Variants in PLXDC2 observed in about 807,000 individuals in gnomAD.
PLXDC2 encodes plexin domain containing 2.
PLXDC2 carries 40 observed loss-of-function variants against 68.9 expected under a neutral mutation model. That is an observed-to-expected ratio of 0.58 (90% CI 0.45 to 0.76). The LOEUF is 0.76. Ranked by LOEUF, PLXDC2 falls within the 30% of genes least tolerant of loss-of-function variation. The pLI, the probability that PLXDC2 is intolerant of heterozygous loss-of-function variation, is 0.00. For synonymous variants in PLXDC2, 243 were observed against 234.2 expected, an observed-to-expected ratio of 1.04 and a Z score of -0.34; for missense variants, 644 against 661.9, an observed-to-expected ratio of 0.97 and a Z score of 0.30.
chr10:19,990,202 T>C (rs1313023775), intron 1 of PLXDC2, among the ~76,000 whole-genome samples: 2 of 152,182 alleles, frequency 1.3e-5, no homozygotes, highest in South Asian at 2.1e-4. Context: ...AAGACCATGA[T>C]TTCTGTCTTA....
chr10:19,975,858 G>T (rs1022061029), intron 1 of PLXDC2, among the ~76,000 whole-genome samples: 1 of 152,070 alleles, frequency 6.6e-6, no homozygotes, highest in African/African-American at 2.4e-5. Context: ...ACAAAAATTA[G>T]CTGGGCATGG....
intron 2 of PLXDC2, 111 bp downstream of exon 2, chr10:20,002,097 AT>A: frequency 9.1e-7 from 1 of 1,093,398 alleles, no homozygotes; most frequent in Admixed American, 2.8e-5. Flanking sequence ...GAAATTTTGG[AT>A]TTCTTTTAAA....
chr10:19,994,503 C>G (rs1834810181), intron 1 of PLXDC2, among the ~76,000 whole-genome samples: 1 of 150,194 alleles, frequency 6.7e-6, no homozygotes, highest in Non-Finnish European at 1.5e-5. Context: ...TGTTTCTCAC[C>G]AAAATTTACT....
intron 2 of PLXDC2, among the ~76,000 whole-genome samples, chr10:20,004,534 A>C (rs1834994587): frequency 6.6e-6 from 1 of 152,164 alleles, no homozygotes; most frequent in Non-Finnish European, 1.5e-5. Context: ...GACTCGATGG[A>C]TATTGAAAGG....
At chr10:20,078,391 T>C (rs1395451843) in intron 4 of PLXDC2, among the ~76,000 whole-genome samples, 2 of 152,030 alleles carry the variant, frequency 1.3e-5, no homozygotes, top group African/African-American at 4.8e-5. Flanking sequence ...TCTAAAAAAA[T>C]AGAATAAAAT....
At chr10:20,177,886 T>C (rs1033826147) in intron 9 of PLXDC2, among the ~76,000 whole-genome samples, 1 of 139,902 alleles carries the variant, frequency 7.1e-6, no homozygotes, top group African/African-American at 3.0e-5. Flanking sequence ...GGTATTTTAC[T>C]ATTTTCCTTT....
At chr10:20,047,475 A>G (rs914446058) in intron 3 of PLXDC2, among the ~76,000 whole-genome samples, 2 of 152,184 alleles carry the variant, frequency 1.3e-5, no homozygotes, top group South Asian at 2.1e-4. Flanking sequence ...AGACCAAATT[A>G]TGATCTTAAA....
intron 1 of PLXDC2, among the ~76,000 whole-genome samples, chr10:19,955,132 A>G (rs1417261904): frequency 4.9e-4 from 59 of 119,620 alleles, no homozygotes; most frequent in Admixed American, 1.3e-3. Flanking sequence ...CCCAGGCTGG[A>G]GTGCTTGCTC....
At chr10:20,031,927 C>T (rs1295015311) in intron 2 of PLXDC2, among the ~76,000 whole-genome samples, 1 of 152,024 alleles carries the variant, frequency 6.6e-6, no homozygotes, top group Non-Finnish European at 1.5e-5. Flanking sequence ...TCAAGAGATT[C>T]TCCTGCCTCA....
chr10:19,921,331 AT>A (rs1313086705), intron 1 of PLXDC2, among the ~76,000 whole-genome samples: 1 of 152,136 alleles, frequency 6.6e-6, no homozygotes, highest in Non-Finnish European at 1.5e-5. Context: ...ATAAGAGACA[AT>A]TAATCAAAAG....
intron 3 of PLXDC2, among the ~76,000 whole-genome samples, chr10:20,056,888 G>T (rs960946472): frequency 2.0e-5 from 3 of 152,048 alleles, no homozygotes; most frequent in Non-Finnish European, 2.9e-5. Context: ...CCTTTTAAAG[G>T]CACGAGTGAG....
chr10:20,068,211 C>G lies in PLXDC2; in HGVS notation c.513C>G (p.Phe171Leu), dbSNP rs758634436. The G allele has an allele frequency of 6.2e-7, 1 of 1,613,250 alleles. No homozygotes were observed. Among genetic ancestry groups the G allele is most frequent in the Non-Finnish European group, 8.5e-7 (1 of 1,179,618 alleles). ...LSFDFPFYGH[F>L]LREITVATGG... ...TCGATTTTCCATTTTATGGCCACTTCCTACGTGAAATCACTGTGGCAACCG... is the reference window on the plus strand; with the variant it reads ...TCGATTTTCCATTTTATGGCCACTTGCTACGTGAAATCACTGTGGCAACCG... Residue 171 changes from phenylalanine to leucine, a missense_variant, in exon 4 of 14, where the codon TTC becomes TTG. Phe to Leu is a conservative substitution (Grantham distance 22). Coordinates refer to ENST00000377252, the MANE Select transcript of PLXDC2 (RefSeq NM_032812.9).
intron 4 of PLXDC2, among the ~76,000 whole-genome samples, chr10:20,109,723 C>T (rs1025914188): frequency 3.9e-5 from 6 of 152,124 alleles, no homozygotes; most frequent in East Asian, 1.9e-4. Context: ...AATTAGAAAA[C>T]GATCCCCATT....
chr10:20,041,963 T>A (rs1373033540), intron 2 of PLXDC2, among the ~76,000 whole-genome samples: 1 of 152,156 alleles, frequency 6.6e-6, no homozygotes, highest in East Asian at 1.9e-4. Flanking sequence ...TTAATTACCT[T>A]CCTAAAGACT....
chr10:20,232,864 AT>A (rs1835383614), intron 12 of PLXDC2, among the ~76,000 whole-genome samples: 1 of 152,174 alleles, frequency 6.6e-6, no homozygotes, highest in African/African-American at 2.4e-5. Flanking sequence ...AAATTCCTGC[AT>A]TTCAAATATG....
chr10:19,856,976 G>A (rs1228580772), intron 1 of PLXDC2, among the ~76,000 whole-genome samples: 1 of 152,164 alleles, frequency 6.6e-6, no homozygotes, highest in Non-Finnish European at 1.5e-5. Context: ...AGTTTCTGCT[G>A]TGGCTCTTTT....
chr10:20,210,536 A>G (rs4338440), intron 9 of PLXDC2, among the ~76,000 whole-genome samples: 25,514 of 152,180 alleles, frequency 0.17, 2,817 homozygotes, highest in Non-Finnish European at 0.26. Flanking sequence ...ATGAGTGAAC[A>G]AAGTCTAATT....
chr10:20,092,876 A>G (rs1352433754), intron 4 of PLXDC2, among the ~76,000 whole-genome samples: 1 of 152,030 alleles, frequency 6.6e-6, no homozygotes, highest in Non-Finnish European at 1.5e-5. Context: ...AAGTCAAGGG[A>G]TGCCAGCCCC....
At chr10:19,967,622 C>T (rs1018360556) in intron 1 of PLXDC2, among the ~76,000 whole-genome samples, 4 of 152,096 alleles carry the variant, frequency 2.6e-5, no homozygotes, top group Admixed American at 6.5e-5. Context: ...TCAGACCTTA[C>T]CACTTAAAAT....
Sources: gnomAD v4.1 joint callset for allele counts (sites outside exome capture counted in the v4.1 genomes callset) on GRCh38, gnomAD v4.1.1 for gene constraint, MANE v1.5 for transcripts, NCBI Gene and HGNC (gene_info 2026-07-23, HGNC 2026-07-21) for gene names.